Variants in BMPR2 observed in about 807,000 individuals in gnomAD.
The protein encoded by BMPR2 is bone morphogenetic protein receptor type 2.
A neutral mutation model predicts 100.8 loss-of-function variants in BMPR2; 29 were observed. The observed-to-expected ratio is 0.29, with a 90% CI of 0.21 to 0.39. The LOEUF is 0.39. Ranked by LOEUF, BMPR2 falls within the 10% of genes least tolerant of loss-of-function variation. The pLI is 1.00. For missense variants in BMPR2, 1,011 were observed against 1,274.5 expected, an observed-to-expected ratio of 0.79 and a Z score of 3.15; for synonymous variants, 382 against 442.3, an observed-to-expected ratio of 0.86 and a Z score of 1.71.
At chr2:202,399,955 T>TA (rs1690735868) in intron 1 of BMPR2, among the ~76,000 whole-genome samples, 1 of 151,852 alleles carries the variant, frequency 6.6e-6, no homozygotes, top group South Asian at 2.1e-4. Flanking sequence ...GTACAAAAAA[T>TA]AAAAAATTAG....
chr2:202,450,816 G>C (rs1691964039), intron 1 of BMPR2, among the ~76,000 whole-genome samples: 1 of 151,814 alleles, frequency 6.6e-6, no homozygotes, highest in Admixed American at 6.6e-5. Flanking sequence ...AATTATGTTA[G>C]ATTAAGATAC....
intron 11 of BMPR2, among the ~76,000 whole-genome samples, chr2:202,553,531 T>C (rs1688516185): frequency 1.3e-5 from 2 of 152,172 alleles, no homozygotes; most frequent in Non-Finnish European, 2.9e-5. Flanking sequence ...TTTTTCCATG[T>C]TTGGGGTAAA....
At chr2:202,416,823 T>TTTTTTC (rs961657189) in intron 1 of BMPR2, among the ~76,000 whole-genome samples, 2 of 151,744 alleles carry the variant, frequency 1.3e-5, no homozygotes, top group Non-Finnish European at 2.9e-5. Flanking sequence ...AACAAAGGAC[T>TTTTTTC]TTTTTCTTTT....
At chr2:202,448,451 AAAAAAT>A (rs1236392607) in intron 1 of BMPR2, among the ~76,000 whole-genome samples, 1 of 148,444 alleles carries the variant, frequency 6.7e-6, no homozygotes, top group Non-Finnish European at 1.5e-5. Flanking sequence ...CGTCTCAAAA[AAAAAAT>A]AAAAATAAAA....
intron 3 of BMPR2, among the ~76,000 whole-genome samples, chr2:202,485,953 A>G (rs528644463): frequency 6.6e-6 from 1 of 152,178 alleles, no homozygotes; most frequent in South Asian, 2.1e-4. Context: ...GCCTAGGGTG[A>G]GGGCAAGGGC....
intron 1 of BMPR2, among the ~76,000 whole-genome samples, chr2:202,415,412 G>A (rs1159408521): frequency 1.3e-5 from 2 of 152,142 alleles, no homozygotes; most frequent in Non-Finnish European, 2.9e-5. Context: ...CGGAGGTTGC[G>A]GTGAGCCAAG....
At chr2:202,539,719 A>T (rs1315434969) in intron 9 of BMPR2, among the ~76,000 whole-genome samples, 2 of 152,058 alleles carry the variant, frequency 1.3e-5, no homozygotes, top group Non-Finnish European at 2.9e-5. Context: ...AAAAGAAGAG[A>T]TAGAAAAAGG....
chr2:202,564,313 GTTA>G lies in BMPR2; in HGVS notation c.*4372_*4374del, dbSNP rs1688721160. ...TGAACTTACTACCTGTTATGTGCAG[GTTA>G]TTATGTAACTATTCACAGATTGCTT... On this transcript the variant is annotated 3_prime_UTR_variant, in exon 13 of 13. Transcript: ENST00000374580. 1 of 152,092 alleles carries G rather than the reference GTTA, an allele frequency of 6.6e-6. No individual in the cohort carries two copies. Among genetic ancestry groups the G allele is most frequent in the Non-Finnish European group, 1.5e-5 (1 of 68,028 alleles). 9.4% of individuals were successfully genotyped at this position (152,092 alleles called of 1,614,324 possible).
At chr2:202,547,058 A>AT (rs1400745413) in intron 10 of BMPR2, among the ~76,000 whole-genome samples, 1 of 152,120 alleles carries the variant, frequency 6.6e-6, no homozygotes, top group Non-Finnish European at 1.5e-5. Flanking sequence ...ATGAGTCAGC[A>AT]TGCCTGGCCC....
chr2:202,503,997 C>T lies in BMPR2; in HGVS notation c.419-9722C>T, dbSNP rs1283178334. 3.3e-5 allele frequency among the ~76,000 whole-genome samples: 5 copies of T among 152,124 alleles called. No homozygotes were observed. In the South Asian group the frequency reaches 6.2e-4, roughly 19 times the overall value. Reference sequence around the variant, plus strand: ...CCAGTAGACACTCTGTATCTAGCTACTCTGGTGGGGCCTTATAGAACCTTT... The same window carrying T: ...CCAGTAGACACTCTGTATCTAGCTATTCTGGTGGGGCCTTATAGAACCTTT... On this transcript the variant is annotated intron_variant, in intron 3 of 12. Transcript: ENST00000374580. The surrounding 1 kb of genome is among the most constrained non-coding windows in gnomAD (Gnocchi z 4.0).
At chr2:202,500,186 G>A (rs761092199) in intron 3 of BMPR2, among the ~76,000 whole-genome samples, 9 of 152,172 alleles carry the variant, frequency 5.9e-5, no homozygotes, top group Non-Finnish European at 1.2e-4. Flanking sequence ...CTTCCTCCTG[G>A]ACACTGGCGC....
In BMPR2 at chr2:202,558,220, C is replaced by T. The variant is rs184040113; in HGVS notation, c.2867-1476C>T. Among the ~76,000 whole-genome samples, 681 of 152,256 alleles carry T rather than the reference C, an allele frequency of 4.5e-3. 3 individuals are homozygous for T. The highest frequency in any genetic ancestry group is 0.027 in the Admixed American group (407 of 15,292). On this transcript the variant is annotated intron_variant, in intron 12 of 12. Coordinates refer to ENST00000374580, the MANE Select transcript of BMPR2 (RefSeq NM_001204.7). ...CTCTGCCTCCCGGGTTCAAGTGATT[C>T]TCCTGCCTCAGCCTCCCGAGTAGCT...
At chr2:202,445,306 AG>A (rs1691828743) in intron 1 of BMPR2, among the ~76,000 whole-genome samples, 1 of 150,056 alleles carries the variant, frequency 6.7e-6, no homozygotes, top group Non-Finnish European at 1.5e-5. Context: ...AGCTCACTGT[AG>A]CCTCAACCTC....
At chr2:202,550,144 C>T (rs1005915011) in intron 10 of BMPR2, among the ~76,000 whole-genome samples, 3 of 151,592 alleles carry the variant, frequency 2.0e-5, no homozygotes, top group African/African-American at 4.8e-5. Context: ...TTGAGGTGGG[C>T]GGATCACGAG....
At chr2:202,443,686 C>T (rs1211446349) in intron 1 of BMPR2, among the ~76,000 whole-genome samples, 1 of 150,472 alleles carries the variant, frequency 6.6e-6, no homozygotes, top group Non-Finnish European at 1.5e-5. Flanking sequence ...GCATCAGCCT[C>T]CCAAGTAGCT....
At chr2:202,403,433 C>T (rs1386942615) in intron 1 of BMPR2, among the ~76,000 whole-genome samples, 1 of 151,618 alleles carries the variant, frequency 6.6e-6, no homozygotes, top group Admixed American at 6.6e-5. Context: ...CTCTTGACCT[C>T]GTGATCCTCC....
chr2:202,488,854 A>C (rs551341207), intron 3 of BMPR2, among the ~76,000 whole-genome samples: 2 of 152,276 alleles, frequency 1.3e-5, no homozygotes, highest in East Asian at 3.9e-4. Context: ...TTGTCTTGCA[A>C]AACTGAAACT....
intron 3 of BMPR2, among the ~76,000 whole-genome samples, chr2:202,482,902 C>T (rs912249015): frequency 8.5e-5 from 13 of 152,222 alleles, no homozygotes; most frequent in East Asian, 7.7e-4. Context: ...TCAGGCTGGT[C>T]GTGAACATTC....
intron 1 of BMPR2, among the ~76,000 whole-genome samples, chr2:202,421,792 A>G (rs1004990880): frequency 3.3e-5 from 5 of 151,978 alleles, no homozygotes; most frequent in Admixed American, 2.6e-4. Flanking sequence ...GGAAAACACA[A>G]CTGGGGGAAC....
Sources: allele counts gnomAD v4.1 joint callset (sites outside exome capture counted in the v4.1 genomes callset), GRCh38; gene constraint gnomAD v4.1.1; non-coding constraint Gnocchi (gnomAD v3.1); transcripts MANE v1.5; gene names NCBI Gene and HGNC (gene_info 2026-07-23, HGNC 2026-07-21).